The following AKAP13 variants were observed in gnomAD, a reference collection of about 807,000 sequenced individuals.
The protein encoded by AKAP13 is A-kinase anchor protein 13.
Under a neutral mutation model 264.5 loss-of-function variants are expected in AKAP13, and 80 were observed. That is an observed-to-expected ratio of 0.30 (90% CI 0.25 to 0.36). AKAP13 has a LOEUF of 0.36. Ranked by LOEUF, AKAP13 falls within the 10% of genes least tolerant of loss-of-function variation. AKAP13 has a pLI of 1.00. For synonymous variants in AKAP13, 1,380 were observed against 1,250.2 expected (o/e 1.10, Z -2.19); for missense variants, 3,712 against 3,435.2 (o/e 1.08, Z -2.01).
chr15:85,396,495 TA>T (rs35937699), intron 1 of AKAP13, among the ~76,000 whole-genome samples: 23 of 152,326 alleles, frequency 1.5e-4, no homozygotes, highest in African/African-American at 5.3e-4. Flanking sequence ...TGCATTATTT[TA>T]AAAAAAGCTT....
chr15:85,610,810 C>G (rs1224935944), intron 8 of AKAP13, among the ~76,000 whole-genome samples: 3 of 151,734 alleles, frequency 2.0e-5, no homozygotes, highest in Admixed American at 2.0e-4. Flanking sequence ...ACTCCCCCGT[C>G]TCTACTAAAA....
At chr15:85,655,047 C>A (rs1243120805) in intron 10 of AKAP13, among the ~76,000 whole-genome samples, 1 of 152,016 alleles carries the variant, frequency 6.6e-6, no homozygotes, top group Non-Finnish European at 1.5e-5. Flanking sequence ...CAAAAATTAG[C>A]CAGGCGTAGT....
At chr15:85,676,141 G>A (rs2084216208) in intron 14 of AKAP13, among the ~76,000 whole-genome samples, 2 of 152,130 alleles carry the variant, frequency 1.3e-5, no homozygotes, top group South Asian at 4.1e-4. Context: ...TCAAACTCCT[G>A]ACCTCATGAT....
intron 14 of AKAP13, chr15:85,670,577 A>G (rs1222811844): frequency 6.6e-6 from 1 of 150,868 alleles, no homozygotes. Flanking sequence ...TCCAAGATTC[A>G]ATCTAAGAAT....
intron 5 of AKAP13, among the ~76,000 whole-genome samples, chr15:85,556,283 A>G (rs1452928728): frequency 1.3e-5 from 2 of 152,214 alleles, no homozygotes; most frequent in Admixed American, 6.5e-5. Flanking sequence ...ACATAATTTT[A>G]TGTGCTATAC....
chr15:85,741,551 G>A, intron 35 of AKAP13, 56 bp downstream of exon 35: 5 of 1,509,232 alleles, frequency 3.3e-6, no homozygotes, highest in Non-Finnish European at 4.4e-6. Flanking sequence ...AAGACCCCCT[G>A]TGTATTAAGC....
intron 35 of AKAP13, among the ~76,000 whole-genome samples, chr15:85,742,419 G>A (rs1216565020): frequency 6.6e-6 from 1 of 152,244 alleles, no homozygotes; most frequent in Non-Finnish European, 1.5e-5. Flanking sequence ...TCTCAGGCCA[G>A]AGTTGCTGGA....
intron 1 of AKAP13, among the ~76,000 whole-genome samples, chr15:85,485,091 A>G (rs762934245): frequency 6.6e-6 from 1 of 152,230 alleles, no homozygotes; most frequent in African/African-American, 2.4e-5. Flanking sequence ...GCTATTCTTA[A>G]TGTTCAGGAA....
chr15:85,598,510 C>T (rs779494143), intron 8 of AKAP13, among the ~76,000 whole-genome samples: 4 of 152,192 alleles, frequency 2.6e-5, no homozygotes, highest in Admixed American at 1.3e-4. Context: ...AAGATTCCAA[C>T]GGTAAATTAT....
chr15:85,557,187 G>T (rs189857491), intron 5 of AKAP13, among the ~76,000 whole-genome samples: 100 of 152,232 alleles, frequency 6.6e-4, no homozygotes, highest in Admixed American at 7.2e-4. Flanking sequence ...AGATTGCTTG[G>T]AATTAATTTT....
intron 9 of AKAP13, 43 bp from the exon 10 acceptor site, chr15:85,645,775 G>GTT (rs71468130): frequency 0.25 from 331,957 of 1,319,426 alleles, 12,922 homozygotes; most frequent in Middle Eastern, 0.32. Flanking sequence ...TGGTTTTTTT[G>GTT]TTTTTTTTTT....
chr15:85,399,502 C>CAAAAAAAAAAAAAAAAAAAAAAAAAAA, intron 1 of AKAP13, among the ~76,000 whole-genome samples: 1 of 77,078 alleles, frequency 1.3e-5, no homozygotes, highest in Non-Finnish European at 2.4e-5. Context: ...GACTCCGTCT[C>CAAAAAAAAAAAAAAAAAAAAAAAAAAA]AAAAAAAAAA....
intron 29 of AKAP13, among the ~76,000 whole-genome samples, chr15:85,728,323 G>A (rs892812361): frequency 1.3e-5 from 2 of 152,212 alleles, no homozygotes; most frequent in African/African-American, 4.8e-5. Context: ...CCATACAGAT[G>A]ATAGCATTCT....
chr15:85,445,640 A>G (rs2073871681), intron 1 of AKAP13, among the ~76,000 whole-genome samples: 1 of 152,104 alleles, frequency 6.6e-6, no homozygotes, highest in African/African-American at 2.4e-5. Flanking sequence ...TTATTATAGT[A>G]CTTACTTACA....
At position 85,642,822 on chromosome 15, in the gene AKAP13, C is replaced by T. The variant is rs1038640125; in HGVS notation, c.4238-2996C>T. On this transcript the variant is annotated intron_variant, in intron 9 of 36. Coordinates refer to ENST00000394518, the MANE Select transcript of AKAP13 (RefSeq NM_007200.5). ...TTTGTTTTCCAGTCTGGAATTTGGA[C>T]GTGGTCTGTTAGAGGGCCAGCTGGA... is the stretch of plus-strand genomic sequence containing the variant. Among the ~76,000 whole-genome samples, 5 of 152,292 alleles carry T rather than the reference C, an allele frequency of 3.3e-5. No homozygotes were observed. In the South Asian group the frequency reaches 6.2e-4, roughly 19 times the overall value.
intron 8 of AKAP13, among the ~76,000 whole-genome samples, chr15:85,595,627 GTT>G (rs1171398859): frequency 6.6e-6 from 1 of 152,192 alleles, no homozygotes; most frequent in African/African-American, 2.4e-5. Flanking sequence ...TGAGACCCAT[GTT>G]GTACCACAGG....
At chr15:85,636,454 T>C (rs774426946) in intron 8 of AKAP13, among the ~76,000 whole-genome samples, 18 of 152,204 alleles carry the variant, frequency 1.2e-4, no homozygotes, top group Non-Finnish European at 2.4e-4. Flanking sequence ...AGAATGGACA[T>C]CTTTGGTTAC....
At chr15:85,705,539 G>A (rs964593842) in intron 17 of AKAP13, among the ~76,000 whole-genome samples, 7 of 151,296 alleles carry the variant, frequency 4.6e-5, no homozygotes. Context: ...AATGGATTAT[G>A]CAAAAGGATA....
intron 7 of AKAP13, among the ~76,000 whole-genome samples, chr15:85,585,208 G>A (rs1461329408): frequency 6.6e-6 from 1 of 152,208 alleles, no homozygotes; most frequent in Non-Finnish European, 1.5e-5. Context: ...ACAGTGATGG[G>A]TGGATCAGAG....
Sources: allele counts gnomAD v4.1 joint callset (sites outside exome capture counted in the v4.1 genomes callset), GRCh38; gene constraint gnomAD v4.1.1; transcripts MANE v1.5; gene names NCBI Gene and HGNC (gene_info 2026-07-23, HGNC 2026-07-21).